IFT46: variants seen among roughly 807,000 people sequenced by gnomAD.
IFT46 encodes the protein intraflagellar transport 46.
In IFT46, 19 loss-of-function variants were observed where a neutral mutation model predicts 39.6. The ratio of observed to expected loss-of-function variants is 0.48; its 90% CI spans 0.33 to 0.70. The LOEUF (loss-of-function observed/expected upper bound fraction) is 0.70, where lower values mean the gene tolerates loss of function less well. IFT46 is among the 30% of genes least tolerant of loss of function. The pLI, the probability that IFT46 is intolerant of heterozygous loss-of-function variation, is 0.01. For missense variants in IFT46, 334 were observed against 364.8 expected (o/e 0.92, Z 0.69); for synonymous variants, 117 against 134.8 (o/e 0.87, Z 0.91).
Position 118,544,764 on chromosome 11 carries a change from G to A in IFT46, c.*152C>T. On this transcript the variant is annotated 3_prime_UTR_variant, in exon 12 of 12. Coordinates refer to ENST00000264021, the MANE Select transcript of IFT46 (RefSeq NM_001168618.2). ...CAGGTTCATTAAACAAACATGTTCT[G>A]TGCCCTCTGGCAGAGAGGGCAGCAG... 1.6e-6 allele frequency: 1 copy of A among 625,252 alleles called. No homozygotes were observed. Among genetic ancestry groups the A allele is most frequent in the South Asian group, 1.9e-5 (1 of 51,700 alleles). The allele number at this position is 625,252 out of a possible 1,614,324, so 38.7% of individuals were successfully genotyped here.
At chr11:118,570,013 C>T (rs1938303429), upstream of IFT46, among the ~76,000 whole-genome samples, 1 of 148,556 alleles carries the variant, frequency 6.7e-6, no homozygotes, top group South Asian at 2.2e-4. Context: ...TCCCAGATAG[C>T]TGGGAGTACA....
chr11:118,559,822 T>C lies in IFT46; in HGVS notation c.8A>G (p.Asp3Gly). 6.2e-7 allele frequency: 1 copy of C among 1,613,546 alleles called. No homozygotes were observed. Among genetic ancestry groups the C allele is most frequent in the Non-Finnish European group, 8.5e-7 (1 of 1,179,440 alleles). Residue 3 changes from aspartate (D) to glycine (G), a missense_variant, in exon 3 of 12, where the codon GAT (aspartate) becomes GGT (glycine). Asp to Gly is a moderately conservative substitution (Grantham distance 94, BLOSUM62 -1). Coordinates refer to ENST00000264021, the MANE Select transcript of IFT46 (RefSeq NM_001168618.2). MADNSSDECEEEN... is the reference protein window; with the variant it reads MAGNSSDECEEEN... ...CTCTTCACACTCATCACTGCTGTTA[T>C]CAGCCATAGCCTTGTTAGGAAGATG...
chr11:118,548,946 G>C (rs1951759080), intron 9 of IFT46, among the ~76,000 whole-genome samples: 1 of 149,274 alleles, frequency 6.7e-6, no homozygotes, highest in Non-Finnish European at 1.5e-5. Flanking sequence ...AGGCTGGAGT[G>C]CAGTGATGCA....
At chr11:118,566,630 T>G (rs1221154545), upstream of IFT46, among the ~76,000 whole-genome samples, 3 of 152,164 alleles carry the variant, frequency 2.0e-5, no homozygotes, top group Non-Finnish European at 4.4e-5. Flanking sequence ...GAGGCGGAGC[T>G]TGCAGGGAGC....
At chr11:118,572,563 C>T (rs781901266) in intron 1 of IFT46, 3 of 1,608,060 alleles carry the variant, frequency 1.9e-6, no homozygotes, top group South Asian at 2.2e-5. Flanking sequence ...AAGATCCGAG[C>T]CAGGACCCGA....
At chr11:118,548,893 CTTTTT>C (rs570165873) in intron 9 of IFT46, among the ~76,000 whole-genome samples, 1 of 135,436 alleles carries the variant, frequency 7.4e-6, no homozygotes, top group African/African-American at 2.7e-5. Context: ...TCCATTATGA[CTTTTT>C]TTTTTTTTTT....
chr11:118,563,548 C>T (rs1938131057), intron 2 of IFT46, among the ~76,000 whole-genome samples: 1 of 152,054 alleles, frequency 6.6e-6, no homozygotes, highest in South Asian at 2.1e-4. Flanking sequence ...TGTCTTATAC[C>T]GTATTTGCCT....
chr11:118,559,830 A>G lies in IFT46; in HGVS notation c.-1T>C. On this transcript the variant is annotated 5_prime_UTR_variant, in exon 3 of 12. Transcript: ENST00000264021. ...ACTCATCACTGCTGTTATCAGCCAT[A>G]GCCTTGTTAGGAAGATGGGCAGAAC... 6.2e-7 allele frequency: 1 copy of G among 1,613,160 alleles called. No individual in the cohort carries two copies. The highest frequency in any genetic ancestry group is 8.5e-7 in the Non-Finnish European group (1 of 1,179,132).
At chr11:118,572,433 G>T in intron 1 of IFT46, 1 of 1,034,394 alleles carries the variant, frequency 9.7e-7, no homozygotes, top group Non-Finnish European at 1.3e-6. Context: ...CGAAGCGGCA[G>T]CGGTTCCTGT....
chr11:118,555,612 C>T, intron 4 of IFT46: 1 of 293,458 alleles, frequency 3.4e-6, no homozygotes. Flanking sequence ...GAAAGGATGA[C>T]AAGAAAAGGT....
chr11:118,554,950 A>G, intron 6 of IFT46, 40 bp downstream of exon 6: 1 of 1,397,368 alleles, frequency 7.2e-7, no homozygotes, highest in Non-Finnish European at 1.0e-6. Flanking sequence ...GCATCAGAAG[A>G]AACACTTAAG....
upstream of IFT46, among the ~76,000 whole-genome samples, chr11:118,569,527 T>C (rs1938294490): frequency 6.6e-6 from 1 of 152,150 alleles, no homozygotes; most frequent in African/African-American, 2.4e-5. Context: ...TTTCTAAAGA[T>C]TTCTATTAGA....
chr11:118,549,437 A>G (rs1951768111), intron 9 of IFT46, among the ~76,000 whole-genome samples: 1 of 151,756 alleles, frequency 6.6e-6, no homozygotes, highest in Non-Finnish European at 1.5e-5. Context: ...TCAGACTGCT[A>G]CTGTCTTTTA....
chr11:118,562,123 A>G (rs1938077716), intron 2 of IFT46, among the ~76,000 whole-genome samples: 1 of 152,098 alleles, frequency 6.6e-6, no homozygotes. Flanking sequence ...AAAAATACAA[A>G]AAAATTAGCC....
At chr11:118,548,614 C>T (rs1301635846) in intron 9 of IFT46, among the ~76,000 whole-genome samples, 2 of 151,780 alleles carry the variant, frequency 1.3e-5, no homozygotes, top group Non-Finnish European at 2.9e-5. Flanking sequence ...CCGCCCGCCT[C>T]GGCCTCCCAA....
upstream of IFT46, among the ~76,000 whole-genome samples, chr11:118,569,276 T>C (rs868926761): frequency 1.1e-4 from 17 of 150,832 alleles, no homozygotes; most frequent in Middle Eastern, 0.01. Flanking sequence ...CGAAACTCCT[T>C]CTCAAAAAAA....
chr11:118,552,473 G>A, intron 7 of IFT46, 138 bp from the exon 8 acceptor site: 1 of 998,004 alleles, frequency 1.0e-6, no homozygotes, highest in Non-Finnish European at 1.5e-6. Context: ...GTAGCCAAAT[G>A]AAGGGGATAG....
At chr11:118,555,376 A>G in intron 4 of IFT46, 54 bp from the exon 5 acceptor site, 1 of 1,341,558 alleles carries the variant, frequency 7.5e-7, no homozygotes, top group Non-Finnish European at 1.1e-6. Context: ...CAGAGGTGGC[A>G]GGGTCCTAGG....
At chr11:118,546,225 G>C in intron 9 of IFT46, 2 of 714,928 alleles carry the variant, frequency 2.8e-6, no homozygotes, top group Admixed American at 2.0e-5. Flanking sequence ...GGTGGGGCGT[G>C]GTGGCTTCAC....
Sources: allele counts gnomAD v4.1 joint callset (sites outside exome capture counted in the v4.1 genomes callset), GRCh38; gene constraint gnomAD v4.1.1; transcripts MANE v1.5; gene names NCBI Gene and HGNC (gene_info 2026-07-23, HGNC 2026-07-21).